CRACD: variants seen among roughly 807,000 people sequenced by gnomAD.
CRACD encodes capping protein inhibiting regulator of actin dynamics.
A neutral mutation model predicts 106.8 loss-of-function variants in CRACD; 56 were observed. The observed-to-expected ratio is 0.52, with a 90% CI of 0.42 to 0.66. CRACD has a LOEUF of 0.66. Among genes scored for constraint, CRACD ranks in the 30% least tolerant of loss-of-function variants. CRACD has a pLI of 0.00. For synonymous variants in CRACD, 754 were observed against 670.8 expected, an observed-to-expected ratio of 1.12 and a Z score of -1.92; for missense variants, 1,730 against 1,623.2, an observed-to-expected ratio of 1.07 and a Z score of -1.13.
intron 1 of CRACD, among the ~76,000 whole-genome samples, chr4:56,082,616 A>T (rs1384304359): frequency 1.3e-5 from 2 of 152,152 alleles, no homozygotes; most frequent in Non-Finnish European, 1.5e-5. Context: ...AAGGAAACAG[A>T]ACTCAAAGAT....
At chr4:56,070,098 C>T (rs529111778) in intron 1 of CRACD, among the ~76,000 whole-genome samples, 1 of 152,272 alleles carries the variant, frequency 6.6e-6, no homozygotes, top group South Asian at 2.1e-4. Context: ...TCGAGAAAGT[C>T]GGTAGCTTGG....
intron 1 of CRACD, among the ~76,000 whole-genome samples, chr4:56,104,138 G>A (rs924634249): frequency 1.2e-4 from 19 of 152,146 alleles, no homozygotes; most frequent in Admixed American, 6.6e-4. Context: ...AGCTCATGCC[G>A]GTGATCCCGG....
chr4:56,183,998 T>C (rs1449377147), intron 2 of CRACD, among the ~76,000 whole-genome samples: 2 of 152,190 alleles, frequency 1.3e-5, no homozygotes, highest in African/African-American at 4.8e-5. Flanking sequence ...GCTTTGGATC[T>C]TCATCTTAGT....
chr4:56,285,677 C>T (rs972169179), intron 3 of CRACD, among the ~76,000 whole-genome samples: 1 of 152,174 alleles, frequency 6.6e-6, no homozygotes, highest in Non-Finnish European at 1.5e-5. Flanking sequence ...GACTCCTGAC[C>T]TCAAGCCATC....
At position 56,316,574 on chromosome 4, in the gene CRACD, G is replaced by A. The variant is rs1211568860; in HGVS notation, c.3072G>A (p.Arg1024=). The part of the protein sequence containing the change: ...RPPSPPGPEE[R]KGQKRDEEEE... Reference sequence around the variant, plus strand: ...CCTCGCCCCCAGGCCCCGAGGAAAGGAAGGGACAGAAGAGGGACGAGGAGG... The same window carrying A: ...CCTCGCCCCCAGGCCCCGAGGAAAGAAAGGGACAGAAGAGGGACGAGGAGG... The change falls in exon 8 of 11, where the codon AGG becomes AGA. Residue 1024 remains arginine (R), a synonymous_variant. Coordinates refer to ENST00000682029, the MANE Select transcript of CRACD (RefSeq NM_001393381.1). 6.2e-7 allele frequency: 1 copy of A among 1,613,478 alleles called. No individual in the cohort carries two copies. The highest frequency in any genetic ancestry group is 8.5e-7 in the Non-Finnish European group (1 of 1,179,734).
chr4:56,137,524 G>GC (rs1160890180), intron 1 of CRACD, among the ~76,000 whole-genome samples: 2 of 152,156 alleles, frequency 1.3e-5, no homozygotes, highest in African/African-American at 4.8e-5. Flanking sequence ...AGGGGTCACT[G>GC]CCCTACACAC....
chr4:56,149,165 G>A (rs530625639), intron 1 of CRACD, among the ~76,000 whole-genome samples: 1 of 152,180 alleles, frequency 6.6e-6, no homozygotes, highest in African/African-American at 2.4e-5. Context: ...TCTGTCCATG[G>A]CAAGAATGAA....
At chr4:56,226,082 C>T (rs1005710631) in intron 2 of CRACD, among the ~76,000 whole-genome samples, 5 of 152,032 alleles carry the variant, frequency 3.3e-5, no homozygotes, top group Admixed American at 2.0e-4. Context: ...AAAGTGAAGT[C>T]GTAAGAAGTG....
chr4:56,291,144 G>C (rs1421377919), intron 3 of CRACD, among the ~76,000 whole-genome samples: 6 of 152,160 alleles, frequency 3.9e-5, no homozygotes, highest in Admixed American at 2.6e-4. Context: ...TTCCCACCTG[G>C]CAAGTCCATT....
At chr4:56,223,955 T>G (rs974294450) in intron 2 of CRACD, among the ~76,000 whole-genome samples, 1 of 152,196 alleles carries the variant, frequency 6.6e-6, no homozygotes, top group Middle Eastern at 3.4e-3. Flanking sequence ...GACAGGGTCT[T>G]GCTACATTGC....
At position 56,316,130 on chromosome 4, in the gene CRACD, A is replaced by G; in HGVS notation, c.2628A>G (p.Gly876=). Residue 876 remains glycine, a synonymous_variant, in exon 8 of 11, where the codon GGA becomes GGG. Transcript: ENST00000682029. ...AGAAGAAGAGGCACAGCAGCACCGGAGACAGCGCGGATGCAGGGCCGCCTG... is the reference window on the plus strand; with the variant it reads ...AGAAGAAGAGGCACAGCAGCACCGGGGACAGCGCGGATGCAGGGCCGCCTG... ...QKKKKRHSST[G]DSADAGPPAA... The G allele has an allele frequency of 1.2e-6, 2 of 1,614,168 alleles. No homozygotes were observed. The highest frequency in any genetic ancestry group is 1.7e-6 in the Non-Finnish European group (2 of 1,180,036).
intron 1 of CRACD, among the ~76,000 whole-genome samples, chr4:56,128,018 T>C (rs1453826806): frequency 6.6e-6 from 1 of 152,110 alleles, no homozygotes; most frequent in African/African-American, 2.4e-5. Flanking sequence ...AGTTTTCTTT[T>C]AGTGGAAGAC....
rs761219433 is a variant in CRACD, at chr4:56,314,797, A to G, written c.1295A>G (p.Asp432Gly). The G allele has an allele frequency of 1.9e-6, 3 of 1,602,744 alleles. No homozygotes were observed. Among genetic ancestry groups the G allele is most frequent in the Non-Finnish European group, 2.6e-6 (3 of 1,176,120 alleles). ...LLNDFEERLE[D>G]QERLKPEGQR... ...AACGACTTTGAGGAGAGGCTCGAAG[A>G]CCAGGAACGCCTGAAACCCGAAGGA... The change falls in exon 8 of 11, where the codon GAC becomes GGC. Residue 432 changes from aspartate to glycine, a missense_variant. By Grantham distance (94) the Asp-to-Gly change is moderately conservative. Transcript: ENST00000682029. The surrounding 1 kb of genome is among the most constrained non-coding windows in gnomAD (Gnocchi z 4.4).
chr4:56,292,843 C>T (rs1171050324), intron 3 of CRACD, among the ~76,000 whole-genome samples: 1 of 151,998 alleles, frequency 6.6e-6, no homozygotes, highest in Non-Finnish European at 1.5e-5. Flanking sequence ...ATTTTTGAGG[C>T]ATGATGTGTG....
intron 1 of CRACD, among the ~76,000 whole-genome samples, chr4:56,097,703 TA>T (rs1733642475): frequency 6.6e-6 from 1 of 151,710 alleles, no homozygotes; most frequent in Non-Finnish European, 1.5e-5. Context: ...GACAAGAAAA[TA>T]GTGAACAATG....
At chr4:56,097,320 G>A (rs535579541) in intron 1 of CRACD, 111 of 152,070 alleles carry the variant, frequency 7.3e-4, no homozygotes, top group Admixed American at 3.5e-3. Context: ...AAGGGTGTTA[G>A]GATTGCTTAA....
rs182074406 is a variant in CRACD at position 56,321,495 on chromosome 4, A to G, written c.3188-1882A>G. Among the ~76,000 whole-genome samples, 23 of 152,348 alleles carry G rather than the reference A, an allele frequency of 1.5e-4. No individual in the cohort carries two copies. The East Asian group carries it at 4.4e-3, about 29-fold the overall frequency. On this transcript the variant is annotated intron_variant, in intron 8 of 10. Coordinates refer to ENST00000682029, the MANE Select transcript of CRACD (RefSeq NM_001393381.1). ...TTTAGTGACCTTCCCAAGCAAGTTC[A>G]GATGTAGTGTTTAGCCAGAATCAGA...
chr4:56,292,418 A>G (rs1391975049), intron 3 of CRACD, among the ~76,000 whole-genome samples: 17 of 152,192 alleles, frequency 1.1e-4, no homozygotes, highest in Admixed American at 5.2e-4. Context: ...CTAACCAGCC[A>G]TGAATTAGCT....
chr4:56,261,363 T>TC (rs899245252), intron 2 of CRACD, among the ~76,000 whole-genome samples: 5 of 148,352 alleles, frequency 3.4e-5, no homozygotes, highest in Middle Eastern at 3.2e-3. Context: ...TTCTTCTTCT[T>TC]TTTTTTTTTT....
Sources: allele counts gnomAD v4.1 joint callset (sites outside exome capture counted in the v4.1 genomes callset), GRCh38; gene constraint gnomAD v4.1.1; non-coding constraint Gnocchi (gnomAD v3.1); transcripts MANE v1.5; gene names NCBI Gene and HGNC (gene_info 2026-07-23, HGNC 2026-07-21).